ASIC2: variants seen among roughly 807,000 people sequenced by gnomAD.
The protein encoded by ASIC2 is acid sensing ion channel subunit 2, also known as acid-sensing ion channel 2.
Under a neutral mutation model 57.3 loss-of-function variants are expected in ASIC2, and 25 were observed. The ratio of observed to expected loss-of-function variants is 0.44; its 90% CI spans 0.32 to 0.61. The LOEUF is 0.61. ASIC2 is among the 20% of genes least tolerant of loss of function. The pLI is 0.06. For synonymous variants in ASIC2, 319 were observed against 307.5 expected (o/e 1.04, Z -0.39); for missense variants, 641 against 738.1 (o/e 0.87, Z 1.52).
chr17:33,466,748 G>A (rs921482039), intron 1 of ASIC2, among the ~76,000 whole-genome samples: 3 of 152,128 alleles, frequency 2.0e-5, no homozygotes, highest in African/African-American at 7.2e-5. Context: ...AATGGGGAAA[G>A]GATTCCCCAT....
At chr17:33,304,077 C>T (rs1906070953) in intron 1 of ASIC2, among the ~76,000 whole-genome samples, 1 of 152,180 alleles carries the variant, frequency 6.6e-6, no homozygotes, top group African/African-American at 2.4e-5. Flanking sequence ...GAAAACAAAA[C>T]ATTTCACAGG....
At chr17:33,023,377 C>A (rs2091845728) in intron 6 of ASIC2, among the ~76,000 whole-genome samples, 1 of 151,802 alleles carries the variant, frequency 6.6e-6, no homozygotes, top group African/African-American at 2.4e-5. Flanking sequence ...GTAGTTCCAG[C>A]TGCTCGTGAA....
chr17:33,864,944 G>A (rs926857097), intron 1 of ASIC2, among the ~76,000 whole-genome samples: 1 of 152,084 alleles, frequency 6.6e-6, no homozygotes, highest in African/African-American at 2.4e-5. Context: ...AGATGTCCGT[G>A]GAATCATTTT....
intron 1 of ASIC2, among the ~76,000 whole-genome samples, chr17:33,765,137 G>A (rs771287329): frequency 4.0e-5 from 6 of 151,658 alleles, no homozygotes; most frequent in African/African-American, 7.3e-5. Context: ...ACGGAGTCTC[G>A]CTCTGTCGCC....
intron 1 of ASIC2, among the ~76,000 whole-genome samples, chr17:33,391,029 G>A (rs1909870281): frequency 6.6e-6 from 1 of 152,154 alleles, no homozygotes; most frequent in African/African-American, 2.4e-5. Flanking sequence ...AAAGAGGGAG[G>A]AAATTGTATA....
rs181335709 is a variant in ASIC2 at position 33,116,654 on chromosome 17, C to A, written c.709-4587G>T. Among the ~76,000 whole-genome samples, 25 of 152,196 alleles carry A rather than the reference C, an allele frequency of 1.6e-4. No individual in the cohort carries two copies. The East Asian group carries it at 4.4e-3, about 27-fold the overall frequency. ...CAGGAATGGTGGGGGGTGGGGGCTC[C>A]TGAGATAAAAATAAGTCCCACAACT... On this transcript the variant is annotated intron_variant, in intron 1 of 9. Coordinates refer to ENST00000225823, the MANE Select transcript of ASIC2 (RefSeq NM_183377.2).
At chr17:33,065,659 T>C (rs2092040553) in intron 3 of ASIC2, among the ~76,000 whole-genome samples, 1 of 151,918 alleles carries the variant, frequency 6.6e-6, no homozygotes, top group African/African-American at 2.4e-5. Context: ...CACTCACTCA[T>C]CTAGTGTGTA....
intron 1 of ASIC2, among the ~76,000 whole-genome samples, chr17:33,132,972 A>G (rs2092353286): frequency 6.6e-6 from 1 of 152,244 alleles, no homozygotes; most frequent in South Asian, 2.1e-4. Flanking sequence ...ATATAGACAG[A>G]TGAACAATAA....
intron 1 of ASIC2, among the ~76,000 whole-genome samples, chr17:33,277,021 T>G (rs1904732992): frequency 6.6e-6 from 1 of 152,198 alleles, no homozygotes; most frequent in Non-Finnish European, 1.5e-5. Flanking sequence ...TTGATGTCAT[T>G]TAGGAGCTTG....
chr17:33,708,130 G>A (rs979469547), intron 1 of ASIC2, among the ~76,000 whole-genome samples: 5 of 152,058 alleles, frequency 3.3e-5, no homozygotes, highest in African/African-American at 1.2e-4. Context: ...GGAATGTGGG[G>A]GTCTAATTAT....
chr17:33,571,418 G>A (rs1037884577), intron 1 of ASIC2, among the ~76,000 whole-genome samples: 1 of 152,178 alleles, frequency 6.6e-6, no homozygotes, highest in African/African-American at 2.4e-5. Flanking sequence ...ATTAATCACA[G>A]TACCCAGAGG....
At chr17:33,947,326 C>T (rs923372790) in intron 1 of ASIC2, among the ~76,000 whole-genome samples, 3 of 152,148 alleles carry the variant, frequency 2.0e-5, no homozygotes, top group Non-Finnish European at 4.4e-5. Flanking sequence ...AGTACAGCTC[C>T]ATTGGCGTTT....
intron 1 of ASIC2, among the ~76,000 whole-genome samples, chr17:34,137,922 T>G (rs530687113): frequency 7.9e-5 from 12 of 152,274 alleles, no homozygotes; most frequent in African/African-American, 2.9e-4. Flanking sequence ...TACCATCAGC[T>G]TGGGGTTAAG....
At chr17:33,314,165 G>A (rs1408132787) in intron 1 of ASIC2, among the ~76,000 whole-genome samples, 1 of 152,142 alleles carries the variant, frequency 6.6e-6, no homozygotes, top group Non-Finnish European at 1.5e-5. Context: ...CCAAGCATGG[G>A]ACAACTCAGA....
intron 1 of ASIC2, among the ~76,000 whole-genome samples, chr17:33,473,179 G>A (rs1913110372): frequency 6.6e-6 from 1 of 152,252 alleles, no homozygotes; most frequent in South Asian, 2.1e-4. Context: ...TAGCCAAGGA[G>A]GCCCTGGGGC....
At chr17:33,054,804 A>G (rs1326647574) in intron 3 of ASIC2, among the ~76,000 whole-genome samples, 1 of 152,202 alleles carries the variant, frequency 6.6e-6, no homozygotes, top group African/African-American at 2.4e-5. Flanking sequence ...AATGGGTGTG[A>G]TCAATTATGC....
chr17:33,128,243 T>A (rs975413450), intron 1 of ASIC2, among the ~76,000 whole-genome samples: 1 of 152,190 alleles, frequency 6.6e-6, no homozygotes, highest in Non-Finnish European at 1.5e-5. Context: ...CACTCCTACT[T>A]GAACTTCAAA....
chr17:33,905,279 G>A (rs1302605172), intron 1 of ASIC2, among the ~76,000 whole-genome samples: 1 of 150,384 alleles, frequency 6.6e-6, no homozygotes, highest in African/African-American at 2.4e-5. Flanking sequence ...TGGCTCTAAA[G>A]CTCCTGCTTT....
chr17:33,405,205 G>A (rs1455874191), intron 1 of ASIC2, among the ~76,000 whole-genome samples: 2 of 152,092 alleles, frequency 1.3e-5, no homozygotes, highest in Non-Finnish European at 2.9e-5. Flanking sequence ...ATAAGACCTG[G>A]TCTTTGCCCC....
Sources: gnomAD v4.1 joint callset for allele counts (sites outside exome capture counted in the v4.1 genomes callset) on GRCh38, gnomAD v4.1.1 for gene constraint, MANE v1.5 for transcripts, NCBI Gene and HGNC (gene_info 2026-07-23, HGNC 2026-07-21) for gene names.